Variants in CNTNAP2 observed in about 807,000 individuals in gnomAD.
CNTNAP2 encodes the protein contactin associated protein 2, also known as contactin-associated protein-like 2.
Under a neutral mutation model 155.2 loss-of-function variants are expected in CNTNAP2, and 98 were observed. The ratio of observed to expected loss-of-function variants is 0.63; its 90% CI spans 0.54 to 0.75. CNTNAP2 has a LOEUF of 0.75. Ranked by LOEUF, CNTNAP2 falls within the 30% of genes least tolerant of loss-of-function variation. The pLI is 0.00. For synonymous variants in CNTNAP2, 651 were observed against 631.2 expected (o/e 1.03, Z -0.47); for missense variants, 1,727 against 1,688.1 (o/e 1.02, Z -0.40).
At chr7:148,019,750 C>T (rs1173485828) in intron 15 of CNTNAP2, among the ~76,000 whole-genome samples, 1 of 151,932 alleles carries the variant, frequency 6.6e-6, no homozygotes. Context: ...AGCCATCGTG[C>T]CCATTCTCAG....
intron 17 of CNTNAP2, among the ~76,000 whole-genome samples, chr7:148,159,398 A>G (rs890617105): frequency 2.0e-5 from 3 of 152,134 alleles, no homozygotes; most frequent in Non-Finnish European, 4.4e-5. Flanking sequence ...GCCATGCTTT[A>G]TATGGGTGGC....
intron 8 of CNTNAP2, among the ~76,000 whole-genome samples, chr7:147,239,607 C>G (rs1803895368): frequency 6.6e-6 from 1 of 151,474 alleles, no homozygotes; most frequent in South Asian, 2.1e-4. Flanking sequence ...TAGAAACTTT[C>G]TGAAAATAAT....
Position 147,136,451 on chromosome 7 carries a change from C to T in CNTNAP2, c.1348+3942C>T, listed in dbSNP as rs1483488318. Among the ~76,000 whole-genome samples the T allele has an allele frequency of 2.6e-5, 4 of 152,026 alleles. No individual in the cohort carries two copies. In the South Asian group the frequency reaches 6.2e-4, roughly 24 times the overall value. ...TATTTTCATCTCCAAAGGAAATCTTCTGTGGACTTGTTTTATTTACTTTGC... is the reference window on the plus strand; with the variant it reads ...TATTTTCATCTCCAAAGGAAATCTTTTGTGGACTTGTTTTATTTACTTTGC... On this transcript the variant is annotated intron_variant, in intron 8 of 23. Coordinates refer to ENST00000361727, the MANE Select transcript of CNTNAP2 (RefSeq NM_014141.6).
intron 1 of CNTNAP2, among the ~76,000 whole-genome samples, chr7:146,739,706 G>A (rs925762140): frequency 2.6e-5 from 4 of 151,830 alleles, no homozygotes; most frequent in African/African-American, 9.7e-5. Context: ...TTTGTTTTCT[G>A]CCTGGGTGAT....
At chr7:146,486,318 C>G (rs1199482987) in intron 1 of CNTNAP2, among the ~76,000 whole-genome samples, 1 of 152,018 alleles carries the variant, frequency 6.6e-6, no homozygotes, top group Non-Finnish European at 1.5e-5. Flanking sequence ...CCTGCCTCGG[C>G]CTCCCAAAGT....
intron 13 of CNTNAP2, among the ~76,000 whole-genome samples, chr7:147,893,754 C>T (rs1799730221): frequency 6.6e-6 from 1 of 152,212 alleles, no homozygotes; most frequent in African/African-American, 2.4e-5. Context: ...CCCACTTCAT[C>T]CTCCTGTAAG....
At chr7:146,386,514 G>A (rs566083999) in intron 1 of CNTNAP2, among the ~76,000 whole-genome samples, 3 of 152,162 alleles carry the variant, frequency 2.0e-5, no homozygotes, top group South Asian at 2.1e-4. Flanking sequence ...TCAGCCTCCC[G>A]AGTAGCTGGG....
intron 8 of CNTNAP2, among the ~76,000 whole-genome samples, chr7:147,253,677 T>A (rs965472671): frequency 3.3e-5 from 5 of 152,182 alleles, no homozygotes; most frequent in South Asian, 2.1e-4. Context: ...GTGAATCCCG[T>A]GATCTTAGAC....
At chr7:147,272,566 T>G (rs1804777193) in intron 8 of CNTNAP2, among the ~76,000 whole-genome samples, 1 of 152,074 alleles carries the variant, frequency 6.6e-6, no homozygotes, top group Admixed American at 6.5e-5. Context: ...TGGCGCCATC[T>G]CGGCTCACTG....
At chr7:147,907,219 G>T (rs928866448) in intron 14 of CNTNAP2, among the ~76,000 whole-genome samples, 3 of 151,942 alleles carry the variant, frequency 2.0e-5, no homozygotes, top group Non-Finnish European at 4.4e-5. Context: ...ACCACGCCTG[G>T]CTTATTTTTT....
At chr7:147,838,754 C>T (rs184200453) in intron 13 of CNTNAP2, among the ~76,000 whole-genome samples, 251 of 152,270 alleles carry the variant, frequency 1.6e-3, no homozygotes, top group African/African-American at 5.7e-3. Flanking sequence ...CTAGGGAGTT[C>T]CAAACTTTCC....
chr7:148,271,214 T>C (rs1796773939), intron 21 of CNTNAP2, among the ~76,000 whole-genome samples: 1 of 152,218 alleles, frequency 6.6e-6, no homozygotes. Flanking sequence ...ACCCTCGTTG[T>C]ATAGAATAAG....
chr7:147,914,019 T>C (rs1178356573), intron 14 of CNTNAP2, among the ~76,000 whole-genome samples: 1 of 151,464 alleles, frequency 6.6e-6, no homozygotes, highest in African/African-American at 2.4e-5. Context: ...AAAAAATATA[T>C]GTTCTAAGGT....
chr7:147,523,825 A>G (rs1338917534), intron 11 of CNTNAP2, among the ~76,000 whole-genome samples: 1 of 152,182 alleles, frequency 6.6e-6, no homozygotes, highest in Non-Finnish European at 1.5e-5. Context: ...ATGGAGCTAT[A>G]AATTATAATT....
chr7:147,655,577 A>G (rs1243423581), intron 13 of CNTNAP2, among the ~76,000 whole-genome samples: 1 of 152,220 alleles, frequency 6.6e-6, no homozygotes, highest in Non-Finnish European at 1.5e-5. Context: ...GAGCAGTAAT[A>G]TTTTGAAAGG....
chr7:147,475,540 T>C (rs1798304681), intron 10 of CNTNAP2, among the ~76,000 whole-genome samples: 1 of 152,158 alleles, frequency 6.6e-6, no homozygotes, highest in Non-Finnish European at 1.5e-5. Context: ...TTCCTGAGTA[T>C]TCTTCATAGG....
chr7:147,990,384 G>T (rs1175349179), intron 15 of CNTNAP2, among the ~76,000 whole-genome samples: 1 of 152,178 alleles, frequency 6.6e-6, no homozygotes, highest in Admixed American at 6.5e-5. Context: ...CTCTCTTACA[G>T]ACTAAGAGTA....
intron 13 of CNTNAP2, among the ~76,000 whole-genome samples, chr7:147,834,761 G>A (rs1798608261): frequency 6.6e-6 from 1 of 152,172 alleles, no homozygotes; most frequent in Admixed American, 6.6e-5. Context: ...AATAAATACA[G>A]TGGACGTCAT....
chr7:148,182,973 C>T (rs1453862533), intron 18 of CNTNAP2, among the ~76,000 whole-genome samples: 2 of 152,206 alleles, frequency 1.3e-5, no homozygotes, highest in South Asian at 2.1e-4. Context: ...TACAATTTAA[C>T]ATTCTACATT....
Sources: gnomAD v4.1 joint callset for allele counts (sites outside exome capture counted in the v4.1 genomes callset) on GRCh38, gnomAD v4.1.1 for gene constraint, MANE v1.5 for transcripts, NCBI Gene and HGNC (gene_info 2026-07-23, HGNC 2026-07-21) for gene names.